Variants in LMO2 observed in about 807,000 individuals in gnomAD.
LMO2 encodes rhombotin-2.
Under a neutral mutation model 23.2 loss-of-function variants are expected in LMO2, and 20 were observed. The ratio of observed to expected loss-of-function variants is 0.86; its 90% CI spans 0.61 to 1.25. LMO2 has a LOEUF of 1.25. Ranked by LOEUF, LMO2 falls within the 50% of genes most tolerant of loss-of-function variation. The pLI, the probability that LMO2 is intolerant of heterozygous loss-of-function variation, is 0.00. For missense variants in LMO2, 270 were observed against 315.3 expected (o/e 0.86, Z 1.09); for synonymous variants, 123 against 130.2 (o/e 0.94, Z 0.38).
intron 5 of LMO2, among the ~76,000 whole-genome samples, chr11:33,863,489 G>A (rs1307902244): frequency 6.6e-6 from 1 of 152,176 alleles, no homozygotes; most frequent in Non-Finnish European, 1.5e-5. Flanking sequence ...AGCCAAGGGC[G>A]CTGAGGTCTC....
intron 5 of LMO2, among the ~76,000 whole-genome samples, chr11:33,860,858 A>G (rs1856546989): frequency 6.6e-6 from 1 of 152,222 alleles, no homozygotes; most frequent in South Asian, 2.1e-4. Context: ...CCTGGGGAGA[A>G]GGCCCAGCAG....
intron 2 of LMO2, among the ~76,000 whole-genome samples, chr11:33,873,348 C>T (rs983336551): frequency 6.6e-6 from 1 of 152,190 alleles, no homozygotes; most frequent in Non-Finnish European, 1.5e-5. Flanking sequence ...GAAATGGTAT[C>T]TTAAGATTTC....
chr11:33,859,660 G>C, intron 5 of LMO2, 85 bp from the exon 6 acceptor site: 2 of 1,277,718 alleles, frequency 1.6e-6, no homozygotes. Context: ...CTAGAAAGGA[G>C]GCCGAACTTT....
At chr11:33,871,778 G>C (rs1478659227) in intron 2 of LMO2, among the ~76,000 whole-genome samples, 2 of 152,084 alleles carry the variant, frequency 1.3e-5, no homozygotes, top group African/African-American at 4.8e-5. Context: ...CAATGTGGTG[G>C]TTAAACGCTG....
In LMO2 at chr11:33,881,183, A is replaced by G. The variant is rs115457055; in HGVS notation, c.-272+641T>C. Reference sequence around the variant, plus strand: ...CTCAGGCCAGAGCCCCTTTCCAAAGACTTCGAGACTGCCGTGGGCCTGCTG... The same window carrying G: ...CTCAGGCCAGAGCCCCTTTCCAAAGGCTTCGAGACTGCCGTGGGCCTGCTG... On this transcript the variant is annotated intron_variant, in intron 2 of 5. Transcript: ENST00000257818. 1,285 of 456,974 alleles carry G rather than the reference A, an allele frequency of 2.8e-3. 10 individuals carry two copies. Among genetic ancestry groups the G allele is most frequent in the African/African-American group, 0.021 (1,047 of 50,186 alleles). The allele number at this position is 456,974 out of a possible 1,614,324, so 28.3% of individuals were successfully genotyped here. A position where few individuals can be genotyped will look rare whatever the true frequency, so the allele number is the denominator to read the frequency against.
At chr11:33,890,552 AT>A (rs1348685200) in intron 1 of LMO2, among the ~76,000 whole-genome samples, 2 of 152,134 alleles carry the variant, frequency 1.3e-5, no homozygotes, top group African/African-American at 4.8e-5. Flanking sequence ...GGGTTTCACC[AT>A]GTTGCCCAAG....
chr11:33,877,105 A>T (rs1272494926), intron 2 of LMO2, among the ~76,000 whole-genome samples: 1 of 152,220 alleles, frequency 6.6e-6, no homozygotes, highest in Non-Finnish European at 1.5e-5. Context: ...TGGGGTCAAC[A>T]TTCTTGCCTG....
At position 33,869,726 on chromosome 11, in the gene LMO2, G is replaced by C. The variant is rs1248384002; in HGVS notation, c.-10C>G. 7.8e-7 allele frequency: 1 copy of C among 1,285,382 alleles called. No individual in the cohort carries two copies. The highest frequency in any genetic ancestry group is 1.0e-6 in the Non-Finnish European group (1 of 997,530). 79.6% of individuals were successfully genotyped at this position (1,285,382 alleles called of 1,614,324 possible). On this transcript the variant is annotated 5_prime_UTR_variant, in exon 3 of 6. Transcript: ENST00000257818. ...GGACTTAACCTTCCATCCCGGTCCC[G>C]CCGCCGCCACCGCCCGGTCCCTCTC...
intron 2 of LMO2, among the ~76,000 whole-genome samples, chr11:33,875,304 G>C (rs767348040): frequency 6.6e-6 from 1 of 152,192 alleles, no homozygotes; most frequent in Admixed American, 6.5e-5. Context: ...GCGGCCGGGC[G>C]AGGTGGCTCA....
Position 33,869,891 on chromosome 11 carries a change from G to A in LMO2, c.-175C>T, listed in dbSNP as rs2133699782. On this transcript the variant is annotated 5_prime_UTR_variant, in exon 3 of 6. Coordinates refer to ENST00000257818, the MANE Select transcript of LMO2 (RefSeq NM_005574.4). ...GAGAGGGGGCGGCGGCCTAGGGGCG[G>A]GGAGGGGACCGTGCGTCTCTCTCCG... 1.9e-6 allele frequency: 2 copies of A among 1,050,806 alleles called. No individual in the cohort carries two copies. Among genetic ancestry groups the A allele is most frequent in the African/African-American group, 1.7e-5 (1 of 58,956 alleles). The allele number at this position is 1,050,806 out of a possible 1,614,324, so 65.1% of individuals were successfully genotyped here.
chr11:33,865,164 T>TCCCTC, intron 4 of LMO2: 1 of 366,486 alleles, frequency 2.7e-6, no homozygotes, highest in Non-Finnish European at 5.3e-6. Flanking sequence ...CCGCTGACTC[T>TCCCTC]ATCTTCACAG....
At chr11:33,870,935 T>G (rs2133701399) in intron 2 of LMO2, 1 of 427,690 alleles carries the variant, frequency 2.3e-6, no homozygotes, top group Middle Eastern at 1.2e-3. Flanking sequence ...GGAGAAAAAC[T>G]TAGGCTCTCC....
chr11:33,885,788 G>A (rs1271220312), intron 1 of LMO2, among the ~76,000 whole-genome samples: 1 of 152,186 alleles, frequency 6.6e-6, no homozygotes, highest in Non-Finnish European at 1.5e-5. Flanking sequence ...TAGATGATGT[G>A]GGTAACTGGT....
intron 5 of LMO2, among the ~76,000 whole-genome samples, chr11:33,861,270 T>A (rs192740003): frequency 1.4e-3 from 220 of 152,352 alleles, no homozygotes; most frequent in Middle Eastern, 6.8e-3. Context: ...TTTAGGTGAA[T>A]GCTTGCTCTT....
chr11:33,880,676 G>A lies in LMO2; in HGVS notation c.-272+1148C>T, dbSNP rs889911896. The A allele has an allele frequency of 3.2e-5, 5 of 158,522 alleles. No individual in the cohort carries two copies. Among genetic ancestry groups the A allele is most frequent in the South Asian group, 1.8e-4 (1 of 5,538 alleles). The allele number at this position is 158,522 out of a possible 1,614,324, so 9.8% of individuals were successfully genotyped here. A position where few individuals can be genotyped will look rare whatever the true frequency, so the allele number is the denominator to read the frequency against. ...TTAAATGTTAAATTTTACGATGTAC[G>A]TATTTAACCCCCACACGCCCCAAAC... On this transcript the variant is annotated intron_variant, in intron 2 of 5. Coordinates refer to ENST00000257818, the MANE Select transcript of LMO2 (RefSeq NM_005574.4). This position sits in a 1 kb window ranked among gnomAD's most constrained non-coding sequence, Gnocchi z 4.3.
chr11:33,875,888 C>T (rs1341864737), intron 2 of LMO2, among the ~76,000 whole-genome samples: 2 of 152,182 alleles, frequency 1.3e-5, no homozygotes, highest in Non-Finnish European at 2.9e-5. Context: ...CCTGGGACCC[C>T]GGCACAGTAT....
Position 33,864,498 on chromosome 11 carries a change from G to T in LMO2, c.464+104C>A. 1.1e-6 allele frequency: 1 copy of T among 885,132 alleles called. No homozygotes were observed. Among genetic ancestry groups the T allele is most frequent in the Non-Finnish European group, 1.7e-6 (1 of 577,598 alleles). 54.8% of individuals were successfully genotyped at this position (885,132 alleles called of 1,614,324 possible). On this transcript the variant is annotated intron_variant, in intron 5 of 5. Transcript: ENST00000257818. This position sits in a 1 kb window ranked among gnomAD's most constrained non-coding sequence, Gnocchi z 4.8. Reference sequence around the variant, plus strand: ...AGTCTGACCTCTTTCTATAGGTGGTGTCCGAGCCTGGAGCAGGGTAAGGGG... The same window carrying T: ...AGTCTGACCTCTTTCTATAGGTGGTTTCCGAGCCTGGAGCAGGGTAAGGGG...
At chr11:33,875,519 A>G (rs1379555003) in intron 2 of LMO2, among the ~76,000 whole-genome samples, 4 of 147,676 alleles carry the variant, frequency 2.7e-5, no homozygotes, top group Non-Finnish European at 4.5e-5. Flanking sequence ...CAGAGGTTGC[A>G]GTGAACTGAG....
At position 33,858,593 on chromosome 11, in the gene LMO2, T is replaced by A; in HGVS notation, c.*763A>T. ...ACACTGTATTTCAGTCTGTCATTTT[T>A]ATTAAGCCTGCAGAGCTGTTTTTTT... On this transcript the variant is annotated 3_prime_UTR_variant, in exon 6 of 6. Coordinates refer to ENST00000257818, the MANE Select transcript of LMO2 (RefSeq NM_005574.4). The A allele has an allele frequency of 6.1e-6, 1 of 163,532 alleles. No homozygotes were observed. Among genetic ancestry groups the A allele is most frequent in the Non-Finnish European group, 1.3e-5 (1 of 79,386 alleles). 10.1% of individuals were successfully genotyped at this position (163,532 alleles called of 1,614,324 possible).
Sources: allele counts gnomAD v4.1 joint callset (sites outside exome capture counted in the v4.1 genomes callset), GRCh38; gene constraint gnomAD v4.1.1; non-coding constraint Gnocchi (gnomAD v3.1); transcripts MANE v1.5; gene names NCBI Gene and HGNC (gene_info 2026-07-23, HGNC 2026-07-21).